Variants in ITGA8 observed in about 807,000 individuals in gnomAD.
The protein encoded by ITGA8 is integrin alpha-8.
Under a neutral mutation model 142.3 loss-of-function variants are expected in ITGA8, and 91 were observed. That is an observed-to-expected ratio of 0.64 (90% CI 0.54 to 0.76). The LOEUF (loss-of-function observed/expected upper bound fraction) is 0.76. Ranked by LOEUF, ITGA8 falls within the 30% of genes least tolerant of loss-of-function variation. The probability of loss-of-function intolerance (pLI) is 0.00; values close to 1 mark genes in which losing one functional copy is unlikely to be tolerated. For missense variants in ITGA8, 1,406 were observed against 1,327.7 expected, an observed-to-expected ratio of 1.06 and a Z score of -0.92; for synonymous variants, 505 against 485.2, an observed-to-expected ratio of 1.04 and a Z score of -0.54.
intron 13 of ITGA8, among the ~76,000 whole-genome samples, chr10:15,641,427 CGCCT>C (rs1160508136): frequency 2.0e-5 from 3 of 152,128 alleles, no homozygotes; most frequent in African/African-American, 7.2e-5. Context: ...AGAATCTAGT[CGCCT>C]GCCTCTAAGG....
chr10:15,714,272 T>C (rs1835412328), intron 2 of ITGA8, among the ~76,000 whole-genome samples: 1 of 152,214 alleles, frequency 6.6e-6, no homozygotes, highest in African/African-American at 2.4e-5. Context: ...CTTTAACCCA[T>C]GCATTGGTTT....
Position 15,672,624 on chromosome 10 carries a change from C to T in ITGA8, c.802G>A (p.Gly268Arg). 2 of 1,611,844 alleles carry T rather than the reference C, an allele frequency of 1.2e-6. No homozygotes were observed. Among genetic ancestry groups the T allele is most frequent in the Non-Finnish European group, 1.7e-6 (2 of 1,179,126 alleles). The change falls in exon 7 of 30, where the codon GGA (glycine) becomes AGA (arginine). Residue 268 changes from glycine to arginine, a missense_variant and splice_region_variant. Transcript: ENST00000378076. ...APASYDDSYL[G>R]YSVAAGEFTG... ...AAATGTCTTGGGCAATGGGTCTTACCAAGGTAACTGTCATCATAGGAAGCT... is the reference window on the plus strand; with the variant it reads ...AAATGTCTTGGGCAATGGGTCTTACTAAGGTAACTGTCATCATAGGAAGCT...
intron 13 of ITGA8, among the ~76,000 whole-genome samples, chr10:15,629,158 A>AC (rs1214546095): frequency 6.6e-6 from 1 of 151,802 alleles, no homozygotes; most frequent in African/African-American, 2.4e-5. Context: ...AAATCTTGGG[A>AC]CCCCAAACTC....
chr10:15,556,109 C>CTG (rs1161992312), intron 26 of ITGA8, among the ~76,000 whole-genome samples: 1 of 139,208 alleles, frequency 7.2e-6, no homozygotes, highest in Non-Finnish European at 1.5e-5. Flanking sequence ...TCACTGCAAC[C>CTG]TCCACCTCCC....
At chr10:15,611,814 A>C (rs374820904) in intron 15 of ITGA8, among the ~76,000 whole-genome samples, 2,687 of 151,850 alleles carry the variant, frequency 0.018, 68 homozygotes, top group African/African-American at 0.061. Context: ...AAAAAAAAAA[A>C]AAAAAACCAC....
chr10:15,607,834 A>G lies in ITGA8; in HGVS notation c.1610-3T>C. On this transcript the variant is annotated splice_polypyrimidine_tract_variant and splice_region_variant and intron_variant, in intron 16 of 29. Coordinates refer to ENST00000378076, the MANE Select transcript of ITGA8 (RefSeq NM_003638.3). ...TAATTGCACCTCTGCCATCAAGACTAAAGGACAGAAGTAAAGTAGAGAAAA... is the reference window on the plus strand; with the variant it reads ...TAATTGCACCTCTGCCATCAAGACTGAAGGACAGAAGTAAAGTAGAGAAAA... 6.2e-7 allele frequency: 1 copy of G among 1,612,274 alleles called. No individual in the cohort carries two copies. The highest frequency in any genetic ancestry group is 8.5e-7 in the Non-Finnish European group (1 of 1,178,688).
rs375539923 is a variant in ITGA8, at chr10:15,711,465, G to A, written c.343+7301C>T. Among the ~76,000 whole-genome samples the A allele has an allele frequency of 2.6e-5, 4 of 151,632 alleles. No homozygotes were observed. The South Asian group carries it at 6.3e-4, about 24-fold the overall frequency. On this transcript the variant is annotated intron_variant, in intron 2 of 29. Transcript: ENST00000378076. ...GTAACTCTCTTGCCTTCTCCATAAA[G>A]GTTTTTTCTCTTCATCTTTTTGTTC...
At position 15,684,160 on chromosome 10, in the gene ITGA8, T is replaced by C. The variant is rs779495482; in HGVS notation, c.445-33A>G. 3 of 1,593,356 alleles carry C rather than the reference T, an allele frequency of 1.9e-6. No homozygotes were observed. The African/African-American group carries it at 4.1e-5, about 22-fold the overall frequency. ...ACATCAAAGACAAAAAAATACATTT[T>C]TGATGTAGGTTTCTCATACTACAGT... On this transcript the variant is annotated intron_variant, in intron 3 of 29. Transcript: ENST00000378076.
chr10:15,707,920 A>C (rs557908374), intron 2 of ITGA8, among the ~76,000 whole-genome samples: 1 of 152,036 alleles, frequency 6.6e-6, no homozygotes, highest in South Asian at 2.1e-4. Context: ...AGCAATGGAA[A>C]GCAAATGGCC....
intron 1 of ITGA8, 144 bp from the exon 2 acceptor site, chr10:15,719,043 T>C: frequency 7.8e-7 from 1 of 1,283,406 alleles, no homozygotes; most frequent in Non-Finnish European, 1.1e-6. Context: ...ACTGTCAAAC[T>C]TGATTTCCTC....
At chr10:15,542,710 C>G (rs1833595198) in intron 27 of ITGA8, among the ~76,000 whole-genome samples, 1 of 152,114 alleles carries the variant, frequency 6.6e-6, no homozygotes, top group Admixed American at 6.5e-5. Flanking sequence ...AGATTCTCCC[C>G]CTTACTATCT....
rs1211625862 is a variant in ITGA8, at chr10:15,679,313, G to T, written c.569-530C>A. 2.0e-5 allele frequency among the ~76,000 whole-genome samples: 3 copies of T among 152,254 alleles called. No individual in the cohort carries two copies. The East Asian group carries it at 5.8e-4, about 29-fold the overall frequency. ...AAATTATCCTATTATGGCCAGTTGT[G>T]GTGGCTCATGCCTGTAATCCCAGCA... On this transcript the variant is annotated intron_variant, in intron 4 of 29. Transcript: ENST00000378076.
rs1311254741 is a variant in ITGA8, at chr10:15,606,362, C to A, written c.1825G>T (p.Asp609Tyr). ...PINISLNYSL[D>Y]ESTFKEGLEV... Reference sequence around the variant, plus strand: ...AGGCCTTCTTTAAAGGTGGATTCGTCCAAACTGTAATTCAAACTAATGTTG... The same window carrying A: ...AGGCCTTCTTTAAAGGTGGATTCGTACAAACTGTAATTCAAACTAATGTTG... The change falls in exon 18 of 30, where the codon GAC (aspartate) becomes TAC (tyrosine). Residue 609 changes from aspartate to tyrosine, a missense_variant. Asp to Tyr is a radical substitution (Grantham distance 160). Coordinates refer to ENST00000378076, the MANE Select transcript of ITGA8 (RefSeq NM_003638.3). The A allele has an allele frequency of 6.2e-7, 1 of 1,611,936 alleles. No homozygotes were observed. The highest frequency in any genetic ancestry group is 8.5e-7 in the Non-Finnish European group (1 of 1,178,314).
chr10:15,629,379 A>G (rs917445186), intron 13 of ITGA8, among the ~76,000 whole-genome samples: 12 of 152,002 alleles, frequency 7.9e-5, no homozygotes, highest in Non-Finnish European at 1.6e-4. Context: ...TTATAAGTGC[A>G]GTCACCCCCA....
intron 27 of ITGA8, among the ~76,000 whole-genome samples, chr10:15,546,633 T>C (rs1833675195): frequency 2.0e-5 from 3 of 151,074 alleles, no homozygotes; most frequent in Admixed American, 6.6e-5. Flanking sequence ...CGATCTGGTC[T>C]AAAACGTTAA....
At chr10:15,691,528 T>G (rs928769863) in intron 2 of ITGA8, among the ~76,000 whole-genome samples, 1 of 152,232 alleles carries the variant, frequency 6.6e-6, no homozygotes, top group Non-Finnish European at 1.5e-5. Context: ...TCCTCTCATT[T>G]GCTACAACAT....
intron 13 of ITGA8, among the ~76,000 whole-genome samples, chr10:15,628,489 C>G (rs921648187): frequency 1.3e-5 from 2 of 151,554 alleles, no homozygotes; most frequent in Non-Finnish European, 2.9e-5. Flanking sequence ...CCCACCACCA[C>G]GCCTGGCTAA....
chr10:15,634,046 G>A (rs917832641), intron 13 of ITGA8, among the ~76,000 whole-genome samples: 6 of 152,136 alleles, frequency 3.9e-5, no homozygotes, highest in Non-Finnish European at 5.9e-5. Context: ...CTCATGCTGT[G>A]TTCCCCTTCT....
intron 28 of ITGA8, among the ~76,000 whole-genome samples, chr10:15,522,258 T>C (rs1833086198): frequency 6.6e-6 from 1 of 152,244 alleles, no homozygotes; most frequent in Non-Finnish European, 1.5e-5. Flanking sequence ...TTTGCATGTA[T>C]ACAGCTACAT....
Sources: gnomAD v4.1 joint callset for allele counts (sites outside exome capture counted in the v4.1 genomes callset) on GRCh38, gnomAD v4.1.1 for gene constraint, MANE v1.5 for transcripts, NCBI Gene and HGNC (gene_info 2026-07-23, HGNC 2026-07-21) for gene names.